Variants in MARCHF10 observed in about 807,000 individuals in gnomAD.
MARCHF10 encodes the protein probable E3 ubiquitin-protein ligase MARCHF10.
A neutral mutation model predicts 76.2 loss-of-function variants in MARCHF10; 64 were observed. That is an observed-to-expected ratio of 0.84 (90% CI 0.69 to 1.03). MARCHF10 has a LOEUF of 1.03. Ranked by LOEUF, MARCHF10 falls within the 50% of genes least tolerant of loss-of-function variation. The probability of loss-of-function intolerance (pLI) is 0.00; values close to 1 mark genes in which losing one functional copy is unlikely to be tolerated. For missense variants in MARCHF10, 875 were observed against 958.0 expected, an observed-to-expected ratio of 0.91 and a Z score of 1.14; for synonymous variants, 340 against 357.5, an observed-to-expected ratio of 0.95 and a Z score of 0.55.
intron 10 of MARCHF10, among the ~76,000 whole-genome samples, chr17:62,704,048 G>A (rs1157443151): frequency 1.3e-5 from 2 of 151,112 alleles, no homozygotes; most frequent in South Asian, 2.1e-4. Flanking sequence ...GCTGGGGAGG[G>A]GGCGCCTGGG....
intron 10 of MARCHF10, among the ~76,000 whole-genome samples, chr17:62,704,090 C>G (rs1403822526): frequency 6.6e-6 from 1 of 151,764 alleles, no homozygotes; most frequent in Admixed American, 6.6e-5. Context: ...CCCTGTCCTC[C>G]CGGCCGCGGC....
intron 8 of MARCHF10, among the ~76,000 whole-genome samples, chr17:62,718,647 C>T (rs973702249): frequency 6.6e-6 from 1 of 152,192 alleles, no homozygotes; most frequent in African/African-American, 2.4e-5. Context: ...CTGACTGGCA[C>T]CTGACCTCAG....
intron 7 of MARCHF10, among the ~76,000 whole-genome samples, chr17:62,722,827 C>T (rs1349100921): frequency 1.1e-4 from 16 of 152,038 alleles, no homozygotes; most frequent in Admixed American, 4.6e-4. Context: ...GAAATTCCCA[C>T]GACTTTTAAA....
rs187210652 is a variant in MARCHF10, at chr17:62,708,664, G to A, written c.2328+2567C>T. Among the ~76,000 whole-genome samples the A allele has an allele frequency of 1.8e-3, 268 of 152,280 alleles. 1 individual carries two copies. Among genetic ancestry groups the A allele is most frequent in the Non-Finnish European group, 3.0e-3 (202 of 68,022 alleles). On this transcript the variant is annotated intron_variant, in intron 9 of 10. Transcript: ENST00000311269. ...AGATATAAAAGAGATAAAGGTTCCC[G>A]TGCCCAAGTTGTTAATGAGTGCCCC...
chr17:62,715,289 G>T (rs1321448107), intron 8 of MARCHF10, among the ~76,000 whole-genome samples: 2 of 152,244 alleles, frequency 1.3e-5, no homozygotes, highest in Admixed American at 1.3e-4. Context: ...AGAAGAGCAT[G>T]ACCATCTTTA....
chr17:62,739,882 T>C (rs1004995155), intron 5 of MARCHF10, among the ~76,000 whole-genome samples: 2 of 152,116 alleles, frequency 1.3e-5, no homozygotes, highest in Admixed American at 6.5e-5. Flanking sequence ...GCTCATCTCA[T>C]AGAGGCCACT....
At chr17:62,725,477 C>G (rs2090713718) in intron 6 of MARCHF10, among the ~76,000 whole-genome samples, 1 of 152,192 alleles carries the variant, frequency 6.6e-6, no homozygotes, top group Non-Finnish European at 1.5e-5. Context: ...GTTGCCCAGA[C>G]TGGTCTTGAA....
intron 6 of MARCHF10, among the ~76,000 whole-genome samples, chr17:62,731,554 T>C (rs1051856425): frequency 1.3e-5 from 2 of 152,156 alleles, no homozygotes; most frequent in African/African-American, 4.8e-5. Flanking sequence ...AGTGAGCCAC[T>C]GTGCCCAGCC....
intron 3 of MARCHF10, among the ~76,000 whole-genome samples, chr17:62,782,144 C>G (rs2092669617): frequency 6.6e-6 from 1 of 151,986 alleles, no homozygotes; most frequent in African/African-American, 2.4e-5. Context: ...ATGCAACATT[C>G]AATACACTGA....
At chr17:62,782,434 G>C (rs530647443) in intron 3 of MARCHF10, among the ~76,000 whole-genome samples, 3 of 136,742 alleles carry the variant, frequency 2.2e-5, no homozygotes, top group South Asian at 4.6e-4. Flanking sequence ...TGCAATCTCC[G>C]CCTCCCAGGT....
At chr17:62,745,314 TG>T (rs2091665887) in intron 4 of MARCHF10, among the ~76,000 whole-genome samples, 1 of 151,948 alleles carries the variant, frequency 6.6e-6, no homozygotes, top group Non-Finnish European at 1.5e-5. Context: ...ATGTTGGCCA[TG>T]CTGGTCTCAA....
At chr17:62,762,793 G>T (rs769990848) in intron 3 of MARCHF10, among the ~76,000 whole-genome samples, 1 of 152,166 alleles carries the variant, frequency 6.6e-6, no homozygotes, top group African/African-American at 2.4e-5. Context: ...CAAGCCGCCC[G>T]CCTTGGCCTC....
At chr17:62,703,624 C>T (rs2089381493) in intron 10 of MARCHF10, among the ~76,000 whole-genome samples, 1 of 152,202 alleles carries the variant, frequency 6.6e-6, no homozygotes, top group Non-Finnish European at 1.5e-5. Context: ...CTGTCTCCAC[C>T]TTGGGGCCGA....
chr17:62,801,355 G>A (rs1190208366), intron 2 of MARCHF10, among the ~76,000 whole-genome samples: 2 of 151,628 alleles, frequency 1.3e-5, no homozygotes, highest in Non-Finnish European at 2.9e-5. Flanking sequence ...GGGTTTCACT[G>A]TGTTAGCCAG....
At chr17:62,715,701 G>C (rs948808096) in intron 8 of MARCHF10, among the ~76,000 whole-genome samples, 2 of 152,218 alleles carry the variant, frequency 1.3e-5, no homozygotes, top group Admixed American at 1.3e-4. Context: ...GGTCCCTGGG[G>C]TCCCACAGCT....
chr17:62,722,496 G>A lies in MARCHF10; in HGVS notation c.2206C>T (p.Gln736Ter). 6.2e-7 allele frequency: 1 copy of A among 1,612,114 alleles called. No individual in the cohort carries two copies. The highest frequency in any genetic ancestry group is 8.5e-7 in the Non-Finnish European group (1 of 1,179,040). Residue 736 changes from glutamine (Q) to a stop codon, truncating the protein, a stop_gained, in exon 8 of 11, where the codon CAA becomes TAA. Coordinates refer to ENST00000311269, the MANE Select transcript of MARCHF10 (RefSeq NM_152598.4). LOFTEE classifies it high-confidence loss of function. ...GTGGCCACATTTCTTACCTGAGATT[G>A]CTGGTGCTTCTGGTAGAACTCAATC... ...NMIEFYQKHQ[Q>*]SQAQNELMNS...
intron 9 of MARCHF10, 41 bp from the exon 10 acceptor site, chr17:62,705,622 A>G (rs769704490): frequency 6.2e-7 from 1 of 1,612,176 alleles, no homozygotes; most frequent in Admixed American, 1.7e-5. Context: ...TGTTTTTTCC[A>G]ATACGATTGT....
At chr17:62,783,194 GTTTTT>G (rs201262979) in intron 3 of MARCHF10, among the ~76,000 whole-genome samples, 18 of 71,364 alleles carry the variant, frequency 2.5e-4, no homozygotes, top group African/African-American at 7.7e-4. Context: ...AAAATTGCCA[GTTTTT>G]TTTTTTTTTT....
In MARCHF10 at chr17:62,738,059, G is replaced by GAC. The variant is rs1386689991; in HGVS notation, c.536-728_536-727insGT. Reference sequence around the variant, plus strand: ...TAACTGTCTCTCTCTGTCTCTCTCTGTCACACACACACACACACACACACA... The same window carrying GAC: ...TAACTGTCTCTCTCTGTCTCTCTCTGACTCACACACACACACACACACACACA... On this transcript the variant is annotated intron_variant, in intron 5 of 10. Transcript: ENST00000311269. This position sits in a 1 kb window ranked among gnomAD's most constrained non-coding sequence, Gnocchi z 4.0. 8 of 20,168 alleles carry GAC rather than the reference G, an allele frequency of 4.0e-4. No homozygotes were observed. The South Asian group carries it at 0.012, about 30-fold the overall frequency. 1.2% of individuals were successfully genotyped at this position (20,168 alleles called of 1,614,324 possible). A position where few individuals can be genotyped will look rare whatever the true frequency, so the allele number is the denominator to read the frequency against.
Sources: allele counts gnomAD v4.1 joint callset (sites outside exome capture counted in the v4.1 genomes callset), GRCh38; gene constraint gnomAD v4.1.1; non-coding constraint Gnocchi (gnomAD v3.1); transcripts MANE v1.5; gene names NCBI Gene and HGNC (gene_info 2026-07-23, HGNC 2026-07-21).